Variants in ARNT2 observed in about 807,000 individuals in gnomAD.
ARNT2 encodes the protein ARNT protein 2.
ARNT2 carries 36 observed loss-of-function variants against 91.7 expected under a neutral mutation model. That is an observed-to-expected ratio of 0.39 (90% CI 0.30 to 0.52). The LOEUF (loss-of-function observed/expected upper bound fraction) is 0.52. Ranked by LOEUF, ARNT2 falls within the 20% of genes least tolerant of loss-of-function variation. ARNT2 has a pLI of 0.72. For synonymous variants in ARNT2, 365 were observed against 347.1 expected (o/e 1.05, Z -0.57); for missense variants, 775 against 939.3 (o/e 0.83, Z 2.29).
intron 3 of ARNT2, among the ~76,000 whole-genome samples, chr15:80,467,629 G>A (rs918325817): frequency 3.3e-5 from 5 of 152,302 alleles, no homozygotes; most frequent in South Asian, 2.1e-4. Flanking sequence ...ATCTTACAAC[G>A]CCCATCAGCG....
Position 80,508,217 on chromosome 15 carries a change from G to A in ARNT2, c.684G>A (p.Arg228=), listed in dbSNP as rs1290535032. ...VKKEGQQSSM[R]MCMGSRRSFI... ...AAGAAGGGCAGCAGTCATCCATGAGGATGTGCATGGGCTCGCGGCGGTCTT... is the reference window on the plus strand; with the variant it reads ...AAGAAGGGCAGCAGTCATCCATGAGAATGTGCATGGGCTCGCGGCGGTCTT... The change falls in exon 6 of 19, where the codon AGG becomes AGA. Residue 228 remains arginine, a synonymous_variant. Coordinates refer to ENST00000303329, the MANE Select transcript of ARNT2 (RefSeq NM_014862.4). 6.2e-7 allele frequency: 1 copy of A among 1,614,184 alleles called. No individual in the cohort carries two copies. Among genetic ancestry groups the A allele is most frequent in the African/African-American group, 1.3e-5 (1 of 75,060 alleles).
At chr15:80,410,547 T>A (rs1487670927) in intron 1 of ARNT2, among the ~76,000 whole-genome samples, 1 of 152,040 alleles carries the variant, frequency 6.6e-6, no homozygotes, top group Non-Finnish European at 1.5e-5. Context: ...CAAAGAGGGA[T>A]GTTGGCCAGC....
At chr15:80,434,760 A>T (rs551425520) in intron 1 of ARNT2, among the ~76,000 whole-genome samples, 1 of 152,246 alleles carries the variant, frequency 6.6e-6, no homozygotes, top group East Asian at 1.9e-4. Flanking sequence ...GGAGTGGAAG[A>T]GAGAAGGAAA....
At chr15:80,435,320 T>C (rs1297013211) in intron 1 of ARNT2, among the ~76,000 whole-genome samples, 1 of 152,146 alleles carries the variant, frequency 6.6e-6, no homozygotes, top group Non-Finnish European at 1.5e-5. Flanking sequence ...AAGTTTTGGT[T>C]CTCACTTTTG....
intron 11 of ARNT2, among the ~76,000 whole-genome samples, chr15:80,559,891 C>T (rs1349681657): frequency 6.6e-6 from 1 of 152,188 alleles, no homozygotes; most frequent in Non-Finnish European, 1.5e-5. Context: ...AGCACAGCCA[C>T]GTGTATCACC....
chr15:80,460,063 T>C (rs1178140370), intron 3 of ARNT2, among the ~76,000 whole-genome samples: 1 of 152,158 alleles, frequency 6.6e-6, no homozygotes, highest in Non-Finnish European at 1.5e-5. Flanking sequence ...GTTGGCTTTT[T>C]CTCTTCTTAC....
Position 80,404,601 on chromosome 15 carries a change from G to A in ARNT2, c.31+55G>A, listed in dbSNP as rs1895569837. ...CCGCAGCCCGCAGGCCTTGCCCGGG[G>A]CCGGAGCGGACCAGGCGCGCCGGGC... On this transcript the variant is annotated intron_variant, in intron 1 of 18. Coordinates refer to ENST00000303329, the MANE Select transcript of ARNT2 (RefSeq NM_014862.4). The surrounding 1 kb of genome is among the most constrained non-coding windows in gnomAD (Gnocchi z 5.5). 2 of 1,025,860 alleles carry A rather than the reference G, an allele frequency of 1.9e-6. No individual in the cohort carries two copies. Among genetic ancestry groups the A allele is most frequent in the Middle Eastern group, 4.5e-4 (1 of 2,204 alleles). The allele number at this position is 1,025,860 out of a possible 1,614,324, so 63.5% of individuals were successfully genotyped here. A position where few individuals can be genotyped will look rare whatever the true frequency, so the allele number is the denominator to read the frequency against.
At chr15:80,544,159 G>A (rs890834788) in intron 8 of ARNT2, among the ~76,000 whole-genome samples, 15 of 152,216 alleles carry the variant, frequency 9.9e-5, no homozygotes, top group Admixed American at 5.9e-4. Flanking sequence ...TATAATAACT[G>A]TGTTAATGTG....
chr15:80,512,268 G>A (rs1171934022), intron 6 of ARNT2, among the ~76,000 whole-genome samples: 1 of 152,214 alleles, frequency 6.6e-6, no homozygotes, highest in Non-Finnish European at 1.5e-5. Context: ...CTGAGAACTG[G>A]CAGAGACCAT....
At chr15:80,505,105 C>T (rs899852020) in intron 5 of ARNT2, among the ~76,000 whole-genome samples, 1 of 152,230 alleles carries the variant, frequency 6.6e-6, no homozygotes, top group African/African-American at 2.4e-5. Flanking sequence ...CGCTTGCCTC[C>T]TGTGTGCGAA....
At chr15:80,432,150 T>TGCTCCC (rs1896020193) in intron 1 of ARNT2, among the ~76,000 whole-genome samples, 2 of 152,230 alleles carry the variant, frequency 1.3e-5, no homozygotes, top group African/African-American at 4.8e-5. Flanking sequence ...ATTCAACTAC[T>TGCTCCC]GCTCCCTGGA....
At chr15:80,579,480 ATC>A (rs970586551) in intron 15 of ARNT2, among the ~76,000 whole-genome samples, 3 of 152,026 alleles carry the variant, frequency 2.0e-5, no homozygotes, top group African/African-American at 7.2e-5. Flanking sequence ...ATTTTACCCA[ATC>A]TCTGCTGATC....
At position 80,593,451 on chromosome 15, in the gene ARNT2, G is replaced by T. The variant is rs1893317733; in HGVS notation, c.2056-149G>T. On this transcript the variant is annotated intron_variant, in intron 18 of 18. Transcript: ENST00000303329. ...TCTCAGACATTTGAGGACCCTTGCA[G>T]AGCATCCCGCAGAAGGCTGGGGAGG... 1.6e-5 allele frequency: 10 copies of T among 625,896 alleles called. 1 individual carries two copies. Among genetic ancestry groups the T allele is most frequent in the South Asian group, 1.0e-4 (5 of 49,060 alleles). The allele number at this position is 625,896 out of a possible 1,614,324, so 38.8% of individuals were successfully genotyped here.
At position 80,534,731 on chromosome 15, in the gene ARNT2, C is replaced by T. The variant is rs188378254; in HGVS notation, c.878-16468C>T. 2.8e-3 allele frequency among the ~76,000 whole-genome samples: 422 copies of T among 152,330 alleles called. 2 individuals are homozygous for T. Among genetic ancestry groups the T allele is most frequent in the Non-Finnish European group, 3.4e-3 (233 of 68,022 alleles). Reference sequence around the variant, plus strand: ...GAACATGAATCTTGTTTTCAGTCTGCAGCTCTTGCAAAAGATACTGCAGTG... The same window carrying T: ...GAACATGAATCTTGTTTTCAGTCTGTAGCTCTTGCAAAAGATACTGCAGTG... On this transcript the variant is annotated intron_variant, in intron 8 of 18. Coordinates refer to ENST00000303329, the MANE Select transcript of ARNT2 (RefSeq NM_014862.4).
At chr15:80,580,699 TC>T in intron 16 of ARNT2, 150 bp downstream of exon 16, 1 of 1,036,602 alleles carries the variant, frequency 9.6e-7, no homozygotes, top group Non-Finnish European at 1.4e-6. Context: ...AGGAGCACCA[TC>T]CACCCTCAGG....
chr15:80,437,516 C>T (rs1214554161), intron 1 of ARNT2, among the ~76,000 whole-genome samples: 4 of 152,258 alleles, frequency 2.6e-5, no homozygotes, highest in Admixed American at 2.0e-4. Flanking sequence ...AATGATGCTT[C>T]TTTCACAGTG....
chr15:80,437,930 C>G (rs2078779250), intron 1 of ARNT2, among the ~76,000 whole-genome samples: 1 of 151,044 alleles, frequency 6.6e-6, no homozygotes, highest in Non-Finnish European at 1.5e-5. Context: ...CCTACACACA[C>G]ACACACACAC....
chr15:80,510,330 G>T (rs938626078), intron 6 of ARNT2, among the ~76,000 whole-genome samples: 8 of 151,954 alleles, frequency 5.3e-5, no homozygotes, highest in Non-Finnish European at 8.8e-5. Flanking sequence ...CTGTCTATAA[G>T]AAACTTAAAC....
intron 1 of ARNT2, among the ~76,000 whole-genome samples, chr15:80,448,765 TG>T (rs1213722545): frequency 6.6e-6 from 1 of 152,070 alleles, no homozygotes; most frequent in East Asian, 1.9e-4. Flanking sequence ...GGGCAGATCA[TG>T]AGGTCAGGAG....
Sources: allele counts gnomAD v4.1 joint callset (sites outside exome capture counted in the v4.1 genomes callset), GRCh38; gene constraint gnomAD v4.1.1; non-coding constraint Gnocchi (gnomAD v3.1); transcripts MANE v1.5; gene names NCBI Gene and HGNC (gene_info 2026-07-23, HGNC 2026-07-21).